The following MAP2 variants were observed in gnomAD, a reference collection of about 807,000 sequenced individuals.
The protein encoded by MAP2 is microtubule-associated protein 2.
MAP2 carries 14 observed loss-of-function variants against 137.6 expected under a neutral mutation model. The observed-to-expected ratio is 0.10, with a 90% CI of 0.07 to 0.16. The LOEUF (loss-of-function observed/expected upper bound fraction) is 0.16. MAP2 is among the 10% of genes least tolerant of loss of function. The probability of loss-of-function intolerance (pLI) is 1.00; values close to 1 mark genes in which losing one functional copy is unlikely to be tolerated. For synonymous variants in MAP2, 786 were observed against 782.3 expected (o/e 1.00, Z -0.08); for missense variants, 2,088 against 2,191.5 (o/e 0.95, Z 0.94).
chr2:209,465,172 A>G (rs752607156), intron 1 of MAP2, among the ~76,000 whole-genome samples: 75 of 152,096 alleles, frequency 4.9e-4, no homozygotes, highest in Non-Finnish European at 9.6e-4. Context: ...TTAGATTTTT[A>G]TGGTTAGGAC....
intron 7 of MAP2, among the ~76,000 whole-genome samples, chr2:209,683,932 G>A (rs897140940): frequency 2.0e-5 from 3 of 151,898 alleles, no homozygotes; most frequent in Non-Finnish European, 2.9e-5. Flanking sequence ...AAAAATTTAA[G>A]ATGTTAATTA....
chr2:209,569,774 A>G (rs917103541), intron 2 of MAP2, among the ~76,000 whole-genome samples: 1 of 151,868 alleles, frequency 6.6e-6, no homozygotes, highest in Non-Finnish European at 1.5e-5. Flanking sequence ...ATTCACCATG[A>G]TGTTTGATGA....
intron 5 of MAP2, among the ~76,000 whole-genome samples, chr2:209,660,945 T>A (rs1191043127): frequency 6.9e-6 from 1 of 144,408 alleles, no homozygotes; most frequent in Non-Finnish European, 1.5e-5. Flanking sequence ...AGGGTTTCAC[T>A]GTGTTATCCA....
At chr2:209,616,886 T>G (rs2089625315) in intron 3 of MAP2, among the ~76,000 whole-genome samples, 1 of 152,168 alleles carries the variant, frequency 6.6e-6, no homozygotes, top group Non-Finnish European at 1.5e-5. Flanking sequence ...GGCAGCCATG[T>G]AGAAATATGG....
intron 3 of MAP2, among the ~76,000 whole-genome samples, chr2:209,586,702 ACTCAGAGTCAGTAGGT>A (rs2077820104): frequency 6.6e-6 from 1 of 152,156 alleles, no homozygotes; most frequent in South Asian, 2.1e-4. Flanking sequence ...TAAAATGCAG[ACTCAGAGTCAGTAGGT>A]CTAAAGAGGG....
At chr2:209,535,191 C>T (rs1284194277) in intron 2 of MAP2, among the ~76,000 whole-genome samples, 2 of 152,058 alleles carry the variant, frequency 1.3e-5, no homozygotes, top group Admixed American at 6.6e-5. Flanking sequence ...AATATGTGAA[C>T]ATTGGTGACT....
intron 1 of MAP2, among the ~76,000 whole-genome samples, chr2:209,493,670 A>G (rs2059401932): frequency 6.6e-6 from 1 of 152,232 alleles, no homozygotes; most frequent in African/African-American, 2.4e-5. Context: ...TGGCCAACAA[A>G]CATATGAAGA....
chr2:209,708,890 C>T (rs901614271), intron 12 of MAP2, among the ~76,000 whole-genome samples: 6 of 152,190 alleles, frequency 3.9e-5, no homozygotes, highest in Admixed American at 1.3e-4. Flanking sequence ...ATAAGAGCTG[C>T]CCCTAACAAC....
chr2:209,571,363 T>G (rs1326690351), intron 2 of MAP2, among the ~76,000 whole-genome samples: 1 of 152,038 alleles, frequency 6.6e-6, no homozygotes, highest in Non-Finnish European at 1.5e-5. Flanking sequence ...TCTCTCATAC[T>G]ACTTTCTACA....
chr2:209,453,408 C>T (rs533826231), intron 1 of MAP2, among the ~76,000 whole-genome samples: 2 of 152,150 alleles, frequency 1.3e-5, no homozygotes, highest in East Asian at 1.9e-4. Context: ...TTTTTCCCCA[C>T]TTAAGAAATA....
intron 2 of MAP2, among the ~76,000 whole-genome samples, chr2:209,509,874 T>C (rs2061519065): frequency 6.6e-6 from 1 of 151,922 alleles, no homozygotes; most frequent in Non-Finnish European, 1.5e-5. Flanking sequence ...TACATTAAGT[T>C]ATGTAAAATT....
At chr2:209,526,987 A>T (rs1275722113) in intron 2 of MAP2, among the ~76,000 whole-genome samples, 1 of 152,108 alleles carries the variant, frequency 6.6e-6, no homozygotes, top group Non-Finnish European at 1.5e-5. Flanking sequence ...AAACCAGGAG[A>T]CTTGTGAATA....
chr2:209,454,762 T>C (rs1701148749), intron 1 of MAP2, among the ~76,000 whole-genome samples: 1 of 152,236 alleles, frequency 6.6e-6, no homozygotes, highest in African/African-American at 2.4e-5. Flanking sequence ...AATATTTGTG[T>C]ACTAGACTAA....
chr2:209,545,118 G>T (rs2067798608), intron 2 of MAP2, among the ~76,000 whole-genome samples: 2 of 152,252 alleles, frequency 1.3e-5, no homozygotes, highest in South Asian at 4.2e-4. Context: ...GTGGGTGGGG[G>T]AGGAAATCTG....
chr2:209,560,504 G>A (rs1405581484), intron 2 of MAP2, among the ~76,000 whole-genome samples: 2 of 149,676 alleles, frequency 1.3e-5, no homozygotes, highest in African/African-American at 2.5e-5. Context: ...TTTTGAGATA[G>A]GGTGTCATTC....
intron 1 of MAP2, among the ~76,000 whole-genome samples, chr2:209,506,430 G>A (rs1475795137): frequency 6.6e-6 from 1 of 152,088 alleles, no homozygotes; most frequent in Admixed American, 6.5e-5. Flanking sequence ...TTTCTAACAT[G>A]TAGAAGAACA....
At chr2:209,451,908 G>C (rs377171165) in intron 1 of MAP2, among the ~76,000 whole-genome samples, 1 of 152,146 alleles carries the variant, frequency 6.6e-6, no homozygotes. Context: ...ATAGTCACCA[G>C]TTACCCTTGT....
In MAP2 at chr2:209,705,684, C is replaced by T; in HGVS notation, c.4689C>T (p.Phe1563=). 1 of 1,613,090 alleles carries T rather than the reference C, an allele frequency of 6.2e-7. No individual in the cohort carries two copies. The highest frequency in any genetic ancestry group is 1.3e-5 in the African/African-American group (1 of 75,002). The change falls in exon 12 of 16, where the codon TTC becomes TTT. Residue 1563 remains phenylalanine (F), a synonymous_variant. Transcript: ENST00000682079. The stretch of plus-strand genomic sequence containing the variant: ...CAGGAGACAGAGATGAGAATTCCTT[C>T]TCTCTCAACAGTTCTATCTCTTCTT... ...GVSGDRDENS[F]SLNSSISSSA...
intron 1 of MAP2, among the ~76,000 whole-genome samples, chr2:209,444,818 G>T (rs773813053): frequency 6.6e-6 from 1 of 151,166 alleles, no homozygotes; most frequent in African/African-American, 2.4e-5. Context: ...AGTTCTTATC[G>T]GGAGCAATTT....
Sources: gnomAD v4.1 joint callset for allele counts (sites outside exome capture counted in the v4.1 genomes callset) on GRCh38, gnomAD v4.1.1 for gene constraint, MANE v1.5 for transcripts, NCBI Gene and HGNC (gene_info 2026-07-23, HGNC 2026-07-21) for gene names.